Variants in EML4 observed in about 807,000 individuals in gnomAD.
EML4 encodes echinoderm microtubule-associated protein-like 4.
In EML4, 72 loss-of-function variants were observed where a neutral mutation model predicts 129.0. The ratio of observed to expected loss-of-function variants is 0.56; its 90% CI spans 0.46 to 0.68. The LOEUF (loss-of-function observed/expected upper bound fraction) is 0.68, where lower values mean the gene tolerates loss of function less well. Ranked by LOEUF, EML4 falls within the 30% of genes least tolerant of loss-of-function variation. EML4 has a pLI of 0.00. For synonymous variants in EML4, 532 were observed against 405.0 expected, an observed-to-expected ratio of 1.31 and a Z score of -3.77; for missense variants, 1,363 against 1,190.6, an observed-to-expected ratio of 1.14 and a Z score of -2.13.
chr2:42,251,016 G>A (rs1015776780), intron 2 of EML4, among the ~76,000 whole-genome samples: 2 of 152,078 alleles, frequency 1.3e-5, no homozygotes, highest in Admixed American at 6.6e-5. Flanking sequence ...ATCTAATACC[G>A]CCACTGATCT....
intron 1 of EML4, among the ~76,000 whole-genome samples, chr2:42,222,454 C>T (rs188445439): frequency 2.0e-5 from 3 of 152,074 alleles, no homozygotes; most frequent in Admixed American, 6.5e-5. Context: ...ATAAATAAAG[C>T]TTTACTGGAA....
intron 1 of EML4, among the ~76,000 whole-genome samples, chr2:42,203,567 TG>T (rs2103977364): frequency 6.6e-6 from 1 of 152,216 alleles, no homozygotes; most frequent in South Asian, 2.1e-4. Context: ...TTATACAAGA[TG>T]GCTAGTCTGG....
intron 17 of EML4, among the ~76,000 whole-genome samples, chr2:42,315,177 C>G (rs538686374): frequency 3.3e-4 from 50 of 152,178 alleles, no homozygotes; most frequent in Non-Finnish European, 6.9e-4. Flanking sequence ...TCTGAACATT[C>G]CCTCAGTGTT....
intron 8 of EML4, among the ~76,000 whole-genome samples, chr2:42,283,336 C>G (rs922923182): frequency 2.0e-5 from 3 of 152,064 alleles, no homozygotes; most frequent in Non-Finnish European, 2.9e-5. Context: ...AGGATTTGTC[C>G]TATGTAGATA....
intron 6 of EML4, among the ~76,000 whole-genome samples, chr2:42,279,781 T>A (rs574700547): frequency 6.5e-4 from 98 of 151,284 alleles, no homozygotes; most frequent in Admixed American, 2.4e-3. Context: ...GCTGTCTTTT[T>A]TTATTATTAT....
intron 13 of EML4, 127 bp from the exon 14 acceptor site, chr2:42,301,114 G>C (rs1007777946): frequency 4.1e-6 from 3 of 733,972 alleles, no homozygotes; most frequent in South Asian, 2.0e-5. Context: ...CTGAAAATAG[G>C]TTTTTGATTG....
chr2:42,173,550 T>G (rs1315484769), intron 1 of EML4, among the ~76,000 whole-genome samples: 1 of 151,890 alleles, frequency 6.6e-6, no homozygotes, highest in Non-Finnish European at 1.5e-5. Flanking sequence ...ACTGCCTGGT[T>G]TTTAAATAAG....
chr2:42,298,384 C>G (rs1406519266), intron 13 of EML4, among the ~76,000 whole-genome samples: 1 of 152,056 alleles, frequency 6.6e-6, no homozygotes, highest in East Asian at 1.9e-4. Flanking sequence ...ATGAGTAAGC[C>G]TGAAGGCAGA....
chr2:42,301,708 T>G (rs1003335124), intron 14 of EML4, among the ~76,000 whole-genome samples: 1 of 152,106 alleles, frequency 6.6e-6, no homozygotes, highest in Admixed American at 6.6e-5. Flanking sequence ...TTAGTGTTTT[T>G]TTTTCTACGT....
chr2:42,193,203 T>C (rs1332238664), intron 1 of EML4, among the ~76,000 whole-genome samples: 2 of 152,220 alleles, frequency 1.3e-5, no homozygotes, highest in South Asian at 2.1e-4. Context: ...TGTACAAGTT[T>C]ATAGCCTAGG....
At chr2:42,276,552 A>G (rs544435517) in intron 6 of EML4, among the ~76,000 whole-genome samples, 1 of 152,244 alleles carries the variant, frequency 6.6e-6, no homozygotes, top group Non-Finnish European at 1.5e-5. Flanking sequence ...AAAAGATACT[A>G]TAGTGTACTA....
At chr2:42,329,226 G>A (rs1360253111) in intron 22 of EML4, among the ~76,000 whole-genome samples, 3 of 152,160 alleles carry the variant, frequency 2.0e-5, no homozygotes, top group Non-Finnish European at 2.9e-5. Flanking sequence ...TAGAAATGAC[G>A]ACCGATGATG....
chr2:42,325,471 A>G lies in EML4; in HGVS notation c.2159A>G (p.His720Arg). The G allele has an allele frequency of 6.5e-7, 1 of 1,529,256 alleles. No homozygotes were observed. Among genetic ancestry groups the G allele is most frequent in the African/African-American group, 1.4e-5 (1 of 73,866 alleles). 94.7% of individuals were successfully genotyped at this position (1,529,256 alleles called of 1,614,324 possible). The change falls in exon 20 of 23, where the codon CAT becomes CGT. Residue 720 changes from histidine to arginine, a missense_variant. Transcript: ENST00000318522. The part of the protein sequence containing the change: ...KYSRYGRCTG[H>R]SSYITHLDWS... ...AATTTATCTGTTATTTTCTAGGGAC[A>G]TTCCAGCTACATCACACACCTTGAC... is the stretch of plus-strand genomic sequence containing the variant.
chr2:42,271,141 G>C lies in EML4; in HGVS notation c.667+6410G>C, dbSNP rs117260399. ...ACTCCTGGGCTCAAGTGATCCGTCTGCTTCAGCCTTCCAGAATGCTGGGAT... is the reference window on the plus strand; with the variant it reads ...ACTCCTGGGCTCAAGTGATCCGTCTCCTTCAGCCTTCCAGAATGCTGGGAT... On this transcript the variant is annotated intron_variant, in intron 6 of 22. Coordinates refer to ENST00000318522, the MANE Select transcript of EML4 (RefSeq NM_019063.5). 3.7e-3 allele frequency among the ~76,000 whole-genome samples: 559 copies of C among 152,272 alleles called. 8 individuals carry two copies. In the East Asian group the frequency reaches 0.05, roughly 14 times the overall value.
intron 18 of EML4, among the ~76,000 whole-genome samples, chr2:42,316,896 G>C (rs890253936): frequency 1.3e-5 from 2 of 152,152 alleles, no homozygotes; most frequent in African/African-American, 2.4e-5. Flanking sequence ...TCTGGGGTTT[G>C]TTTTGTTTTA....
intron 14 of EML4, 78 bp from the exon 15 acceptor site, chr2:42,303,026 A>T (rs1460010573): frequency 1.4e-6 from 2 of 1,437,420 alleles, no homozygotes; most frequent in Non-Finnish European, 1.9e-6. Context: ...ATAATTGCTT[A>T]CAGCTATAAA....
chr2:42,272,432 C>T (rs1666422967), intron 6 of EML4, among the ~76,000 whole-genome samples: 1 of 151,970 alleles, frequency 6.6e-6, no homozygotes, highest in South Asian at 2.1e-4. Flanking sequence ...GTATACTGAC[C>T]ACCCAGATTT....
chr2:42,217,609 C>G (rs976702814), intron 1 of EML4, among the ~76,000 whole-genome samples: 4 of 151,988 alleles, frequency 2.6e-5, no homozygotes. Flanking sequence ...ATACTGTACC[C>G]ATGAAAAAGA....
At chr2:42,243,118 T>C (rs1453455681) in intron 1 of EML4, among the ~76,000 whole-genome samples, 1 of 152,140 alleles carries the variant, frequency 6.6e-6, no homozygotes, top group Non-Finnish European at 1.5e-5. Context: ...GAAAAGGTCA[T>C]TTTATATGGT....
Sources: gnomAD v4.1 joint callset for allele counts (sites outside exome capture counted in the v4.1 genomes callset) on GRCh38, gnomAD v4.1.1 for gene constraint, MANE v1.5 for transcripts, NCBI Gene and HGNC (gene_info 2026-07-23, HGNC 2026-07-21) for gene names.